The following WHAMM variants were observed in gnomAD, a reference collection of about 807,000 sequenced individuals.
WHAMM encodes WASP homolog-associated protein with actin, membranes and microtubules.
Under a neutral mutation model 76.5 loss-of-function variants are expected in WHAMM, and 67 were observed. That is an observed-to-expected ratio of 0.88 (90% confidence interval 0.72 to 1.07). The LOEUF is 1.07. WHAMM is among the 50% of genes least tolerant of loss of function. The pLI is 0.00. For synonymous variants in WHAMM, 419 were observed against 422.1 expected (o/e 0.99, Z 0.09); for missense variants, 1,021 against 1,051.1 (o/e 0.97, Z 0.40).
Position 82,809,838 on chromosome 15 carries a change from G to C in WHAMM, c.112G>C (p.Glu38Gln). Residue 38 changes from glutamate (E) to glutamine (Q), a missense_variant, in exon 1 of 10, where the codon GAG becomes CAG. Glu to Gln is a conservative substitution (Grantham distance 29). This residue lies in a region of WHAMM where 501 missense variants were observed against 524.9 expected (regional missense o/e 0.95). Transcript: ENST00000286760. ...CTTCCTGGTGGCCTGGAACGGCGCG[G>C]AGGGCAAGTTCGCTGTGACTTGTCA... Reference protein sequence around the residue: ...LRFLVAWNGAEGKFAVTCHDR... With the variant: ...LRFLVAWNGAQGKFAVTCHDR... The C allele has an allele frequency of 1.2e-6, 2 of 1,605,616 alleles. No homozygotes were observed. The highest frequency in any genetic ancestry group is 8.5e-7 in the Non-Finnish European group (1 of 1,177,126).
intron 5 of WHAMM, among the ~76,000 whole-genome samples, chr15:82,822,885 G>A (rs1566995372): frequency 6.7e-6 from 1 of 149,352 alleles, no homozygotes; most frequent in Non-Finnish European, 1.5e-5. Flanking sequence ...TACACTACAT[G>A]GATATACACA....
intron 5 of WHAMM, among the ~76,000 whole-genome samples, chr15:82,822,837 T>TAC (rs57272275): frequency 0.011 from 1,663 of 151,844 alleles, 31 homozygotes; most frequent in African/African-American, 0.036. Flanking sequence ...TATATATATA[T>TAC]ACACACATAT....
chr15:82,828,986 C>A (rs1407182262), intron 8 of WHAMM, among the ~76,000 whole-genome samples: 1 of 152,096 alleles, frequency 6.6e-6, no homozygotes, highest in East Asian at 1.9e-4. Flanking sequence ...CCAAGAAGTG[C>A]CACCCTTGAA....
At chr15:82,824,103 A>G (rs558270026) in intron 6 of WHAMM, among the ~76,000 whole-genome samples, 1 of 150,264 alleles carries the variant, frequency 6.7e-6, no homozygotes, top group East Asian at 2.0e-4. Context: ...GGAAGCTCCT[A>G]TATATCATTT....
intron 1 of WHAMM, chr15:82,810,725 G>A: frequency 1.0e-6 from 1 of 985,468 alleles, no homozygotes. Flanking sequence ...CAATTCCTGT[G>A]TATGAGGGGA....
At chr15:82,829,287 A>G (rs537638481) in intron 8 of WHAMM, among the ~76,000 whole-genome samples, 2 of 152,298 alleles carry the variant, frequency 1.3e-5, no homozygotes, top group South Asian at 4.1e-4. Context: ...CCTGGGCAAC[A>G]AAGTGAGACC....
intron 1 of WHAMM, 156 bp downstream of exon 1, chr15:82,810,491 G>A (rs1596274886): frequency 1.0e-6 from 1 of 985,450 alleles, no homozygotes; most frequent in Non-Finnish European, 1.2e-6. Flanking sequence ...CACCTGCGCG[G>A]GACCGCTGCG....
chr15:82,813,302 T>C, intron 2 of WHAMM, 26 bp downstream of exon 2: 1 of 1,466,956 alleles, frequency 6.8e-7, no homozygotes, highest in Non-Finnish European at 9.1e-7. Context: ...ATTTTTACTT[T>C]ATCAGATTTA....
rs1204738903 is a variant in WHAMM at position 82,833,370 on chromosome 15, A to G, written c.2264A>G (p.Lys755Arg). The change falls in exon 10 of 10, where the codon AAA becomes AGA. Residue 755 changes from lysine (K) to arginine (R), a missense_variant. By Grantham distance (26) the Lys-to-Arg change is conservative. Transcript: ENST00000286760. The stretch of plus-strand genomic sequence containing the variant: ...ATAAGGCAAGGGGTCAAACTGAAGA[A>G]AGTTCACCCTGATCTTGGCCCAAAC... ...AAIRQGVKLK[K>R]VHPDLGPNPS... 6.2e-7 allele frequency: 1 copy of G among 1,614,046 alleles called. No individual in the cohort carries two copies. The highest frequency in any genetic ancestry group is 1.3e-5 in the African/African-American group (1 of 75,070).
intron 8 of WHAMM, among the ~76,000 whole-genome samples, chr15:82,828,968 T>C (rs139438577): frequency 1.0e-3 from 152 of 152,278 alleles, no homozygotes; most frequent in African/African-American, 3.5e-3. Flanking sequence ...AAGGGAGTTC[T>C]GTGTTTACCA....
chr15:82,817,393 G>C (rs2151561116), intron 3 of WHAMM, among the ~76,000 whole-genome samples: 1 of 152,260 alleles, frequency 6.6e-6, no homozygotes, highest in Non-Finnish European at 1.5e-5. Context: ...CTGGGTGAAG[G>C]ACTTTTTTTT....
rs559291894 is a variant in WHAMM, at chr15:82,826,829, T to C, written c.1624T>C (p.Leu542=). 18 of 1,548,274 alleles carry C rather than the reference T, an allele frequency of 1.2e-5. No individual in the cohort carries two copies. Among genetic ancestry groups the C allele is most frequent in the African/African-American group, 1.1e-4 (8 of 72,840 alleles). ...NQERQKTLQR[L]RSFKDKRLAQ... Reference sequence around the variant, plus strand: ...AGAACGTCAAAAAACACTCCAACGATTGAGATCATTTAAAGATGTAAGTTC... The same window carrying C: ...AGAACGTCAAAAAACACTCCAACGACTGAGATCATTTAAAGATGTAAGTTC... Residue 542 remains leucine, a synonymous_variant, in exon 8 of 10, where the codon TTG becomes CTG. Transcript: ENST00000286760.
Position 82,830,868 on chromosome 15 carries a change from A to G in WHAMM, c.1911A>G (p.Ser637=). The G allele has an allele frequency of 6.3e-7, 1 of 1,582,058 alleles. No homozygotes were observed. Among genetic ancestry groups the G allele is most frequent in the Non-Finnish European group, 8.6e-7 (1 of 1,163,522 alleles). ...QTHSKSSEEL[S]LPPPPPPPPP... is the part of the protein sequence containing the mutation. The stretch of plus-strand genomic sequence containing the variant: ...ATTCCAAATCCAGTGAGGAATTGTC[A>G]CTGCCACCACCTCCTCCTCCTCCAC... Residue 637 remains serine, a synonymous_variant, in exon 9 of 10, where the codon TCA becomes TCG. Transcript: ENST00000286760.
At chr15:82,823,917 C>G (rs765360339) in intron 6 of WHAMM, among the ~76,000 whole-genome samples, 1 of 152,022 alleles carries the variant, frequency 6.6e-6, no homozygotes, top group Admixed American at 6.5e-5. Context: ...TAATAGCCAA[C>G]TATAACAATT....
Position 82,833,447 on chromosome 15 carries a change from A to C in WHAMM, c.2341A>C (p.Ile781Leu). The C allele has an allele frequency of 6.2e-7, 1 of 1,614,060 alleles. No individual in the cohort carries two copies. Among genetic ancestry groups the C allele is most frequent in the Non-Finnish European group, 8.5e-7 (1 of 1,179,906 alleles). ...ACGCACCAGTGACCTTGAGAGGAGC[A>C]TCAAGGCTGCGCTCCAGAGAATCAA... ...NRRTSDLERS[I>L]KAALQRIKRV... Residue 781 changes from isoleucine to leucine, a missense_variant, in exon 10 of 10, where the codon ATC becomes CTC. Ile to Leu is a conservative substitution (Grantham distance 5). This residue lies in a region of WHAMM where 509 missense variants were observed against 492.3 expected (regional missense o/e 1.03). Transcript: ENST00000286760.
At chr15:82,812,553 G>A (rs1427459938) in intron 1 of WHAMM, among the ~76,000 whole-genome samples, 3 of 152,060 alleles carry the variant, frequency 2.0e-5, no homozygotes, top group Admixed American at 2.0e-4. Context: ...AAGGAATACA[G>A]CCTCACAACA....
At chr15:82,815,379 A>T (rs1309558684) in intron 2 of WHAMM, among the ~76,000 whole-genome samples, 4 of 151,954 alleles carry the variant, frequency 2.6e-5, no homozygotes, top group African/African-American at 7.3e-5. Flanking sequence ...TTTCAAGGCT[A>T]ATCCACGTTG....
chr15:82,810,083 CT>C lies in WHAMM; in HGVS notation c.358del (p.Trp120GlyfsTer96). 14 of 1,236,570 alleles carry C rather than the reference CT, an allele frequency of 1.1e-5. No individual in the cohort carries two copies. The highest frequency in any genetic ancestry group is 1.4e-5 in the Non-Finnish European group (14 of 992,120). 76.6% of individuals were successfully genotyped at this position (1,236,570 alleles called of 1,614,324 possible). On this transcript the variant is annotated frameshift_variant, in exon 1 of 10. Transcript: ENST00000286760. LOFTEE classifies it high-confidence loss of function. ...PELDVGGGGA[W>X]GLGLGLWALL... ...AGCTGGACGTGGGCGGCGGCGGGGC[CT>C]GGGGTCTGGGGCTCGGGCTGTGGGC...
Position 82,809,841 on chromosome 15 carries a change from G to A in WHAMM, c.115G>A (p.Gly39Ser). 1.2e-6 allele frequency: 2 copies of A among 1,605,340 alleles called. No individual in the cohort carries two copies. Among genetic ancestry groups the A allele is most frequent in the Non-Finnish European group, 1.7e-6 (2 of 1,176,966 alleles). Reference sequence around the variant, plus strand: ...CCTGGTGGCCTGGAACGGCGCGGAGGGCAAGTTCGCTGTGACTTGTCACGA... The same window carrying A: ...CCTGGTGGCCTGGAACGGCGCGGAGAGCAAGTTCGCTGTGACTTGTCACGA... ...RFLVAWNGAE[G>S]KFAVTCHDRT... The change falls in exon 1 of 10, where the codon GGC (glycine) becomes AGC (serine). Residue 39 changes from glycine (G) to serine (S), a missense_variant. By Grantham distance (56) the Gly-to-Ser change is moderately conservative. This residue lies in a region of WHAMM where 501 missense variants were observed against 524.9 expected (regional missense o/e 0.95). Transcript: ENST00000286760.
Sources: allele counts gnomAD v4.1 joint callset (sites outside exome capture counted in the v4.1 genomes callset), GRCh38; gene constraint gnomAD v4.1.1; regional missense constraint gnomAD v4.1.1; transcripts MANE v1.5; gene names NCBI Gene and HGNC (gene_info 2026-07-23, HGNC 2026-07-21).